CRTC1: variants seen among roughly 807,000 people sequenced by gnomAD.
CRTC1 encodes CREB-regulated transcription coactivator 1.
CRTC1 carries 18 observed loss-of-function variants against 66.1 expected under a neutral mutation model. The ratio of observed to expected loss-of-function variants is 0.27; its 90% CI spans 0.19 to 0.40. The LOEUF (loss-of-function observed/expected upper bound fraction) is 0.40. Ranked by LOEUF, CRTC1 falls within the 10% of genes least tolerant of loss-of-function variation. The probability of loss-of-function intolerance (pLI) is 1.00; values close to 1 mark genes in which losing one functional copy is unlikely to be tolerated. For synonymous variants in CRTC1, 416 were observed against 398.8 expected, an observed-to-expected ratio of 1.04 and a Z score of -0.51; for missense variants, 669 against 887.9, an observed-to-expected ratio of 0.75 and a Z score of 3.13.
At chr19:18,724,417 A>G (rs964725617) in intron 1 of CRTC1, among the ~76,000 whole-genome samples, 2 of 152,052 alleles carry the variant, frequency 1.3e-5, no homozygotes, top group African/African-American at 2.4e-5. Context: ...AGCAGCACCT[A>G]TTGGGACTGG....
chr19:18,687,502 A>G lies in CRTC1; in HGVS notation c.126+3674A>G, dbSNP rs556173594. Among the ~76,000 whole-genome samples the G allele has an allele frequency of 5.9e-5, 9 of 152,316 alleles. No homozygotes were observed. The South Asian group carries it at 1.9e-3, about 32-fold the overall frequency. ...GTTTGACTGGCCACTGCACAGTCCA[A>G]GTGGCATGTCCGCCGTGCCTGGAGC... is the stretch of plus-strand genomic sequence containing the variant. On this transcript the variant is annotated intron_variant, in intron 1 of 13. Coordinates refer to ENST00000321949, the MANE Select transcript of CRTC1 (RefSeq NM_015321.3).
At chr19:18,725,938 G>A (rs1456755738) in intron 1 of CRTC1, among the ~76,000 whole-genome samples, 4 of 152,222 alleles carry the variant, frequency 2.6e-5, no homozygotes, top group East Asian at 1.9e-4. Context: ...AGGGACGGGG[G>A]CCACCCAGCC....
intron 1 of CRTC1, 77 bp downstream of exon 1, chr19:18,683,905 G>C: frequency 5.8e-6 from 1 of 172,224 alleles, no homozygotes; most frequent in Non-Finnish European, 1.1e-5. Flanking sequence ...CGTGCACGGG[G>C]CGGGGTGGGG....
At chr19:18,734,063 C>G (rs2053945680) in intron 1 of CRTC1, among the ~76,000 whole-genome samples, 1 of 151,922 alleles carries the variant, frequency 6.6e-6, no homozygotes, top group Non-Finnish European at 1.5e-5. Context: ...GATCGCGCCA[C>G]TCCACTGCAG....
At chr19:18,761,623 C>T (rs369499078) in intron 8 of CRTC1, among the ~76,000 whole-genome samples, 6 of 152,294 alleles carry the variant, frequency 3.9e-5, no homozygotes, top group Middle Eastern at 6.8e-3. Flanking sequence ...TTGGGAGGGG[C>T]GGCCACTGGA....
intron 2 of CRTC1, among the ~76,000 whole-genome samples, chr19:18,744,485 CACACAA>C (rs895823536): frequency 1.4e-5 from 2 of 140,584 alleles, no homozygotes; most frequent in East Asian, 2.1e-4. Flanking sequence ...TATACACACA[CACACAA>C]ACACACACAC....
chr19:18,721,979 C>T (rs537972192), intron 1 of CRTC1, among the ~76,000 whole-genome samples: 1 of 152,340 alleles, frequency 6.6e-6, no homozygotes, highest in Middle Eastern at 3.4e-3. Context: ...TGACGTACTT[C>T]ACCCCATGAT....
intron 1 of CRTC1, among the ~76,000 whole-genome samples, chr19:18,701,917 G>GTTT (rs1338365638): frequency 7.9e-5 from 11 of 138,906 alleles, no homozygotes; most frequent in African/African-American, 2.7e-4. Flanking sequence ...CGCGCCCACC[G>GTTT]TTTTGTTTTT....
chr19:18,689,302 T>C (rs1257031621), intron 1 of CRTC1, among the ~76,000 whole-genome samples: 3 of 151,628 alleles, frequency 2.0e-5, no homozygotes, highest in African/African-American at 7.3e-5. Context: ...TTCATATCAA[T>C]AGAATCCTAC....
In CRTC1 at chr19:18,779,873, C is replaced by T. The variant is rs996004052; in HGVS notation, c.*2491C>T. Reference sequence around the variant, plus strand: ...GGACAGTGGGGCCCACGCGAGTACCCGGGGCCCAGCCAGGAGCCAGCAGCC... The same window carrying T: ...GGACAGTGGGGCCCACGCGAGTACCTGGGGCCCAGCCAGGAGCCAGCAGCC... On this transcript the variant is annotated 3_prime_UTR_variant, in exon 14 of 14. Transcript: ENST00000321949. 4.4e-5 allele frequency: 10 copies of T among 228,686 alleles called. No homozygotes were observed. Among genetic ancestry groups the T allele is most frequent in the African/African-American group, 1.1e-4 (5 of 45,170 alleles). 14.2% of individuals were successfully genotyped at this position (228,686 alleles called of 1,614,324 possible). A position where few individuals can be genotyped will look rare whatever the true frequency, so the allele number is the denominator to read the frequency against.
intron 6 of CRTC1, among the ~76,000 whole-genome samples, chr19:18,754,071 C>T (rs1056635336): frequency 6.7e-6 from 1 of 148,992 alleles, no homozygotes; most frequent in Non-Finnish European, 1.5e-5. Flanking sequence ...ATTGCACTCC[C>T]GCCTGGGCAA....
chr19:18,770,028 C>T (rs2054826708), intron 10 of CRTC1, among the ~76,000 whole-genome samples: 3 of 151,424 alleles, frequency 2.0e-5, no homozygotes, highest in African/African-American at 7.3e-5. Flanking sequence ...CCCACCCCGC[C>T]CCACCTGGAC....
At chr19:18,718,553 G>A (rs1600830840) in intron 1 of CRTC1, among the ~76,000 whole-genome samples, 1 of 151,176 alleles carries the variant, frequency 6.6e-6, no homozygotes, top group South Asian at 2.1e-4. Flanking sequence ...ATATTGGCCA[G>A]GCTGCTCTCA....
At chr19:18,726,929 GA>G (rs57708407) in intron 1 of CRTC1, among the ~76,000 whole-genome samples, 1,751 of 111,888 alleles carry the variant, frequency 0.016, 46 homozygotes, top group African/African-American at 0.051. Flanking sequence ...CCGTCTTGGG[GA>G]AAAAAAAAAA....
chr19:18,759,731 C>T (rs1479378765), intron 7 of CRTC1, 140 bp downstream of exon 7: 5 of 936,354 alleles, frequency 5.3e-6, no homozygotes, highest in Admixed American at 4.3e-5. Flanking sequence ...GACAGAGCCC[C>T]CACATGCCCA....
chr19:18,697,830 C>T (rs2053029745), intron 1 of CRTC1, among the ~76,000 whole-genome samples: 6 of 152,272 alleles, frequency 3.9e-5, no homozygotes. Flanking sequence ...AGGCATTTGG[C>T]AGGCATCCAA....
At chr19:18,769,291 G>A (rs750040093) in intron 10 of CRTC1, among the ~76,000 whole-genome samples, 1 of 152,232 alleles carries the variant, frequency 6.6e-6, no homozygotes, top group East Asian at 1.9e-4. Flanking sequence ...GCCTAGGGCC[G>A]GCTCAGGCAG....
In CRTC1 at chr19:18,730,384, T is replaced by C. The variant is rs545180501; in HGVS notation, c.127-12526T>C. Among the ~76,000 whole-genome samples the C allele has an allele frequency of 2.0e-5, 3 of 152,126 alleles. No individual in the cohort carries two copies. The East Asian group carries it at 5.8e-4, about 29-fold the overall frequency. The stretch of plus-strand genomic sequence containing the variant: ...GCTACCTGGTGCAGCCCCTGGACTT[T>C]GGGGTGGAGTCGGGGTCACATTCAC... On this transcript the variant is annotated intron_variant, in intron 1 of 13. Transcript: ENST00000321949.
In CRTC1 at chr19:18,782,147, AC is replaced by A. The variant is rs1463738625; in HGVS notation, c.*4768del. On this transcript the variant is annotated 3_prime_UTR_variant, in exon 14 of 14. Coordinates refer to ENST00000321949, the MANE Select transcript of CRTC1 (RefSeq NM_015321.3). ...CTGTGCCCAGGCTGGCTCTCCCCCA[AC>A]CCTAGCATGTATACTCTGCCACGGA... is the stretch of plus-strand genomic sequence containing the variant. 5 of 225,104 alleles carry A rather than the reference AC, an allele frequency of 2.2e-5. No individual in the cohort carries two copies. Among genetic ancestry groups the A allele is most frequent in the Non-Finnish European group, 4.4e-5 (5 of 113,284 alleles). 13.9% of individuals were successfully genotyped at this position (225,104 alleles called of 1,614,324 possible).
Sources: gnomAD v4.1 joint callset for allele counts (sites outside exome capture counted in the v4.1 genomes callset) on GRCh38, gnomAD v4.1.1 for gene constraint, MANE v1.5 for transcripts, NCBI Gene and HGNC (gene_info 2026-07-23, HGNC 2026-07-21) for gene names.